Variants in CNTNAP2 observed in about 807,000 individuals in gnomAD.
CNTNAP2 encodes contactin-associated protein-like 2.
CNTNAP2 carries 98 observed loss-of-function variants against 155.2 expected under a neutral mutation model. That is an observed-to-expected ratio of 0.63 (90% CI 0.54 to 0.75). The LOEUF is 0.75. CNTNAP2 is among the 30% of genes least tolerant of loss of function. The pLI is 0.00. For missense variants in CNTNAP2, 1,727 were observed against 1,688.1 expected (o/e 1.02, Z -0.40); for synonymous variants, 651 against 631.2 (o/e 1.03, Z -0.47).
intron 1 of CNTNAP2, among the ~76,000 whole-genome samples, chr7:146,458,900 T>G (rs1234896542): frequency 3.3e-5 from 5 of 152,190 alleles, no homozygotes; most frequent in Admixed American, 1.3e-4. Flanking sequence ...AGCTAATTCC[T>G]TATAATATGT....
chr7:146,738,012 T>A (rs1801649969), intron 1 of CNTNAP2, among the ~76,000 whole-genome samples: 1 of 152,126 alleles, frequency 6.6e-6, no homozygotes, highest in Non-Finnish European at 1.5e-5. Flanking sequence ...AAATACTGAT[T>A]TCACTTCCTT....
At chr7:147,797,829 A>G in intron 13 of CNTNAP2, among the ~76,000 whole-genome samples, 1 of 152,210 alleles carries the variant, frequency 6.6e-6, no homozygotes, top group East Asian at 1.9e-4. Context: ...AAATAATACA[A>G]AAACTATTCA....
intron 1 of CNTNAP2, among the ~76,000 whole-genome samples, chr7:146,327,776 T>C (rs910860868): frequency 5.3e-5 from 8 of 152,168 alleles, no homozygotes; most frequent in African/African-American, 1.7e-4. Flanking sequence ...CTATTTTAAG[T>C]AGAAGGATTA....
chr7:146,311,231 C>T (rs1563032898), intron 1 of CNTNAP2, among the ~76,000 whole-genome samples: 4 of 152,116 alleles, frequency 2.6e-5, no homozygotes, highest in South Asian at 4.1e-4. Context: ...AAAGTATATA[C>T]GTCTATCTGT....
chr7:148,303,358 T>A (rs1022868282), intron 21 of CNTNAP2, among the ~76,000 whole-genome samples: 1 of 152,142 alleles, frequency 6.6e-6, no homozygotes, highest in Non-Finnish European at 1.5e-5. Flanking sequence ...CTGCTGAACA[T>A]ACTGAAGTGA....
At chr7:147,101,025 A>G (rs1219375981) in intron 4 of CNTNAP2, among the ~76,000 whole-genome samples, 2 of 152,354 alleles carry the variant, frequency 1.3e-5, no homozygotes, top group African/African-American at 4.8e-5. Context: ...GATGCCTAAA[A>G]GTAAACTAGA....
chr7:147,518,507 G>C (rs925964859), intron 11 of CNTNAP2, among the ~76,000 whole-genome samples: 3 of 152,198 alleles, frequency 2.0e-5, no homozygotes, highest in African/African-American at 7.2e-5. Context: ...CAGATGCTAT[G>C]AGAACATATG....
At chr7:146,726,613 G>A (rs1801435886) in intron 1 of CNTNAP2, among the ~76,000 whole-genome samples, 1 of 152,032 alleles carries the variant, frequency 6.6e-6, no homozygotes, top group Admixed American at 6.6e-5. Flanking sequence ...ATTTTCCAGA[G>A]AAATGTTAAT....
At chr7:147,539,874 G>C (rs140748403) in intron 11 of CNTNAP2, among the ~76,000 whole-genome samples, 1,549 of 152,256 alleles carry the variant, frequency 0.01, 14 homozygotes, top group Non-Finnish European at 0.014. Context: ...CGTATTTCAA[G>C]ACCATGTGAT....
At chr7:148,081,231 G>A (rs568889756) in intron 15 of CNTNAP2, among the ~76,000 whole-genome samples, 1 of 152,134 alleles carries the variant, frequency 6.6e-6, no homozygotes, top group Admixed American at 6.5e-5. Flanking sequence ...TTTTTTTATT[G>A]GGTGAGGGGG....
intron 1 of CNTNAP2, among the ~76,000 whole-genome samples, chr7:146,527,034 C>T (rs1797701057): frequency 6.6e-6 from 1 of 151,848 alleles, no homozygotes; most frequent in Non-Finnish European, 1.5e-5. Context: ...GATTACAGGC[C>T]ACCCTGCCTA....
chr7:146,999,464 T>G (rs924465868), intron 3 of CNTNAP2, among the ~76,000 whole-genome samples: 2 of 152,028 alleles, frequency 1.3e-5, no homozygotes, highest in Non-Finnish European at 2.9e-5. Context: ...ATATTCTGAA[T>G]TTTTGTGTAC....
chr7:146,470,133 G>T (rs539705534), intron 1 of CNTNAP2, among the ~76,000 whole-genome samples: 1 of 151,948 alleles, frequency 6.6e-6, no homozygotes, highest in African/African-American at 2.4e-5. Context: ...GCCACTGCGC[G>T]CGGCCTTAAT....
intron 3 of CNTNAP2, among the ~76,000 whole-genome samples, chr7:146,932,704 A>G (rs1796804201): frequency 6.6e-6 from 1 of 152,220 alleles, no homozygotes; most frequent in East Asian, 1.9e-4. Flanking sequence ...TCTCAGCCCA[A>G]AATCTCCTTA....
At chr7:147,318,452 A>T (rs1795278801) in intron 9 of CNTNAP2, among the ~76,000 whole-genome samples, 1 of 152,116 alleles carries the variant, frequency 6.6e-6, no homozygotes, top group African/African-American at 2.4e-5. Context: ...TTGTTTTTTT[A>T]AAGACAAAAA....
At chr7:146,965,293 C>T (rs151318052) in intron 3 of CNTNAP2, among the ~76,000 whole-genome samples, 79 of 152,252 alleles carry the variant, frequency 5.2e-4, no homozygotes, top group African/African-American at 1.7e-3. Flanking sequence ...ACCCATCTCA[C>T]AGTCTTTGGG....
intron 1 of CNTNAP2, among the ~76,000 whole-genome samples, chr7:146,496,341 C>T (rs947221953): frequency 4.6e-5 from 7 of 152,134 alleles, no homozygotes; most frequent in African/African-American, 1.4e-4. Context: ...CCATTTACTT[C>T]GTCAATTCCT....
chr7:146,206,572 T>G (rs1265338226), intron 1 of CNTNAP2, among the ~76,000 whole-genome samples: 1 of 151,922 alleles, frequency 6.6e-6, no homozygotes, highest in African/African-American at 2.4e-5. Context: ...CAATGCATCT[T>G]TAGTACTTGA....
chr7:147,529,477 C>T (rs979274518), intron 11 of CNTNAP2, among the ~76,000 whole-genome samples: 10 of 152,278 alleles, frequency 6.6e-5, no homozygotes, highest in African/African-American at 2.4e-4. Flanking sequence ...GAGGCTACAA[C>T]ATAACACTGT....
Sources: gnomAD v4.1 joint callset for allele counts (sites outside exome capture counted in the v4.1 genomes callset) on GRCh38, gnomAD v4.1.1 for gene constraint, MANE v1.5 for transcripts, NCBI Gene and HGNC (gene_info 2026-07-23, HGNC 2026-07-21) for gene names.